SOS2: variants seen among roughly 807,000 people sequenced by gnomAD.
SOS2 encodes the protein son of sevenless homolog 2.
In SOS2, 65 loss-of-function variants were observed where a neutral mutation model predicts 148.2. That is an observed-to-expected ratio of 0.44 (90% confidence interval 0.36 to 0.54). The LOEUF (loss-of-function observed/expected upper bound fraction) is 0.54, where lower values mean the gene tolerates loss of function less well. SOS2 is among the 20% of genes least tolerant of loss of function. The probability of loss-of-function intolerance (pLI) is 0.00; values close to 1 mark genes in which losing one functional copy is unlikely to be tolerated. For synonymous variants in SOS2, 539 were observed against 537.1 expected (o/e 1.00, Z -0.05); for missense variants, 1,341 against 1,590.2 (o/e 0.84, Z 2.67).
At chr14:50,204,999 A>G (rs1371560811) in intron 1 of SOS2, among the ~76,000 whole-genome samples, 1 of 152,044 alleles carries the variant, frequency 6.6e-6, no homozygotes, top group Non-Finnish European at 1.5e-5. Context: ...ACTGGATATA[A>G]GAAATATGGT....
intron 10 of SOS2, 103 bp from the exon 11 acceptor site, chr14:50,158,749 T>G (rs1884897347): frequency 4.2e-6 from 3 of 713,370 alleles, no homozygotes; most frequent in African/African-American, 3.6e-5. Flanking sequence ...CTTTTTACTT[T>G]GGCTCCTCAG....
At chr14:50,157,879 C>T (rs1379444957) in intron 11 of SOS2, among the ~76,000 whole-genome samples, 1 of 152,024 alleles carries the variant, frequency 6.6e-6, no homozygotes, top group African/African-American at 2.4e-5. Flanking sequence ...CTAGGTAAAA[C>T]AAATTCAACC....
rs1168118906 is a variant in SOS2 at position 50,188,488 on chromosome 14, G to A, written c.714+9C>T. On this transcript the variant is annotated intron_variant, in intron 5 of 22. Coordinates refer to ENST00000216373, the MANE Select transcript of SOS2 (RefSeq NM_006939.4). Reference sequence around the variant, plus strand: ...GTACACAGAATTTCAAACCCAAAAAGGTACTTACAGAAGGTTTAAACAGCT... The same window carrying A: ...GTACACAGAATTTCAAACCCAAAAAAGTACTTACAGAAGGTTTAAACAGCT... 7 of 1,575,958 alleles carry A rather than the reference G, an allele frequency of 4.4e-6. No homozygotes were observed. Among genetic ancestry groups the A allele is most frequent in the Non-Finnish European group, 5.2e-6 (6 of 1,156,192 alleles).
intron 4 of SOS2, among the ~76,000 whole-genome samples, chr14:50,194,839 G>A (rs1287226937): frequency 2.0e-5 from 3 of 151,112 alleles, no homozygotes; most frequent in African/African-American, 4.9e-5. Context: ...CACCCAGGCC[G>A]GAGTGCAGTG....
At chr14:50,166,574 G>C (rs976141771) in intron 8 of SOS2, among the ~76,000 whole-genome samples, 1 of 152,068 alleles carries the variant, frequency 6.6e-6, no homozygotes, top group Non-Finnish European at 1.5e-5. Flanking sequence ...TATATTCCTT[G>C]CTACCTGATA....
At chr14:50,220,756 T>C (rs1421704165) in intron 1 of SOS2, among the ~76,000 whole-genome samples, 4 of 152,256 alleles carry the variant, frequency 2.6e-5, no homozygotes, top group Admixed American at 1.3e-4. Context: ...AAGCTATTTC[T>C]ACTTAATATT....
At chr14:50,176,990 A>G (rs1252485318) in intron 7 of SOS2, among the ~76,000 whole-genome samples, 1 of 152,236 alleles carries the variant, frequency 6.6e-6, no homozygotes, top group African/African-American at 2.4e-5. Flanking sequence ...AGCCTGGGTG[A>G]AAGAGCGAGA....
intron 1 of SOS2, among the ~76,000 whole-genome samples, chr14:50,217,920 A>C (rs1887082380): frequency 6.6e-6 from 1 of 151,986 alleles, no homozygotes; most frequent in African/African-American, 2.4e-5. Context: ...GTGCCACTGC[A>C]CTCCAGCCTG....
rs1885425268 is a variant in SOS2, at chr14:50,173,259, T to C, written c.1068+1195A>G. Among the ~76,000 whole-genome samples the C allele has an allele frequency of 1.3e-5, 2 of 152,142 alleles. 1 individual carries two copies. The highest frequency in any genetic ancestry group is 2.9e-5 in the Non-Finnish European group (2 of 68,032). On this transcript the variant is annotated intron_variant, in intron 8 of 22. Coordinates refer to ENST00000216373, the MANE Select transcript of SOS2 (RefSeq NM_006939.4). ...GTTACGACTTTTTCCGTCTAATCCA[T>C]GGTAGTAACATTAAAATAAAAGCCA...
chr14:50,118,375 G>A lies in SOS2; in HGVS notation c.3968C>T (p.Pro1323Leu), dbSNP rs886041929. ...ELSHPPLYRL[P>L]LLENAETPQ is the part of the protein sequence containing the mutation. The stretch of plus-strand genomic sequence containing the variant: ...GGGAGTTTCTGCATTTTCTAGCAAA[G>A]GCAGTCTGTACAATGGGGGGTGCGA... Residue 1323 changes from proline (P) to leucine (L), a missense_variant, in exon 23 of 23, where the codon CCT becomes CTT. By Grantham distance (98) the Pro-to-Leu change is moderately conservative. Coordinates refer to ENST00000216373, the MANE Select transcript of SOS2 (RefSeq NM_006939.4). 2 of 1,614,040 alleles carry A rather than the reference G, an allele frequency of 1.2e-6. No individual in the cohort carries two copies. The highest frequency in any genetic ancestry group is 1.7e-6 in the Non-Finnish European group (2 of 1,179,958).
chr14:50,178,701 TATATATATATACACACATATACACACAC>T (rs1885619119), intron 7 of SOS2, among the ~76,000 whole-genome samples: 1 of 20,940 alleles, frequency 4.8e-5, no homozygotes, highest in South Asian at 9.9e-4. Context: ...TATATATATA[TATATATATATACACACATATACACACAC>T]ATATATATAT....
At chr14:50,219,829 A>G (rs1887146962) in intron 1 of SOS2, among the ~76,000 whole-genome samples, 1 of 152,076 alleles carries the variant, frequency 6.6e-6, no homozygotes. Flanking sequence ...AAGATCAGGA[A>G]CCATTTCTCG....
At chr14:50,201,216 T>TAATAAATA (rs543866235) in intron 2 of SOS2, 132 bp from the exon 3 acceptor site, 5 of 841,162 alleles carry the variant, frequency 5.9e-6, no homozygotes, top group Non-Finnish European at 7.2e-6. Context: ...CTGATTCCTG[T>TAATAAATA]AATAAATAAA....
rs766745289 is a variant in SOS2 at position 50,153,163 on chromosome 14, C to T, written c.2068G>A (p.Val690Ile). 4.4e-6 allele frequency: 7 copies of T among 1,581,780 alleles called. No homozygotes were observed. The Admixed American group carries it at 1.2e-4, about 27-fold the overall frequency. Residue 690 changes from valine (V) to isoleucine (I), a missense_variant, in exon 13 of 23, where the codon GTA becomes ATA. Physicochemically the swap from Val to Ile is conservative, Grantham distance 29. This residue lies in a region of SOS2 where 408 missense variants were observed against 506.6 expected (regional missense o/e 0.81). Coordinates refer to ENST00000216373, the MANE Select transcript of SOS2 (RefSeq NM_006939.4). The stretch of plus-strand genomic sequence containing the variant: ...TGATGTTCAACCCAATGCCGAAATA[C>T]ATTTAAGATCCTGATAAAATGGAAA... Reference protein sequence around the residue: ...VQPVQLRILNVFRHWVEHHFY... With the variant: ...VQPVQLRILNIFRHWVEHHFY...
At chr14:50,208,465 A>G (rs1771062093) in intron 1 of SOS2, among the ~76,000 whole-genome samples, 1 of 151,892 alleles carries the variant, frequency 6.6e-6, no homozygotes, top group South Asian at 2.1e-4. Flanking sequence ...CCTGGCCAAT[A>G]CGGTGAAACC....
chr14:50,224,777 T>C (rs1335128317), intron 1 of SOS2, among the ~76,000 whole-genome samples: 2 of 149,726 alleles, frequency 1.3e-5, no homozygotes, highest in Non-Finnish European at 2.9e-5. Context: ...TCCCAGCTAC[T>C]CAGGAGGCTA....
At chr14:50,123,102 A>T (rs1167178118) in intron 21 of SOS2, among the ~76,000 whole-genome samples, 1 of 152,178 alleles carries the variant, frequency 6.6e-6, no homozygotes, top group Admixed American at 6.5e-5. Flanking sequence ...GAGCAACATA[A>T]ATAGGGTGAT....
chr14:50,173,444 C>G (rs570418197), intron 8 of SOS2, among the ~76,000 whole-genome samples: 1 of 151,454 alleles, frequency 6.6e-6, no homozygotes, highest in Non-Finnish European at 1.5e-5. Flanking sequence ...TTTTTTGAGA[C>G]GGAGTCTCGC....
At chr14:50,227,360 C>T (rs1215942553) in intron 1 of SOS2, among the ~76,000 whole-genome samples, 2 of 150,672 alleles carry the variant, frequency 1.3e-5, no homozygotes, top group Non-Finnish European at 3.0e-5. Context: ...TTCTCTGCCT[C>T]AGCCTCCCGA....
Sources: gnomAD v4.1 joint callset for allele counts (sites outside exome capture counted in the v4.1 genomes callset) on GRCh38, gnomAD v4.1.1 for gene constraint, gnomAD v4.1.1 regional missense constraint, MANE v1.5 for transcripts, NCBI Gene and HGNC (gene_info 2026-07-23, HGNC 2026-07-21) for gene names.